SAMD3: variants seen among roughly 807,000 people sequenced by gnomAD.
The protein encoded by SAMD3 is sterile alpha motif domain-containing protein 3.
Under a neutral mutation model 58.5 loss-of-function variants are expected in SAMD3, and 63 were observed. The observed-to-expected ratio is 1.08, with a 90% confidence interval of 0.88 to 1.33. The LOEUF (loss-of-function observed/expected upper bound fraction) is 1.33. Among genes scored for constraint, SAMD3 ranks in the 40% most tolerant of loss-of-function variants. The pLI is 0.00. For synonymous variants in SAMD3, 220 were observed against 210.3 expected (o/e 1.05, Z -0.40); for missense variants, 604 against 608.4 (o/e 0.99, Z 0.08).
At chr6:130,273,619 T>C (rs1235486945) in intron 2 of SAMD3, among the ~76,000 whole-genome samples, 1 of 151,848 alleles carries the variant, frequency 6.6e-6, no homozygotes. Context: ...TTTGTAGATA[T>C]AGTCTTTATT....
intron 2 of SAMD3, among the ~76,000 whole-genome samples, chr6:130,271,025 T>C (rs906435566): frequency 1.3e-5 from 2 of 151,496 alleles, no homozygotes; most frequent in Non-Finnish European, 2.9e-5. Context: ...TTCCTTAGGG[T>C]CTCACTCTGT....
At chr6:130,279,065 T>G (rs1159500577) in intron 2 of SAMD3, among the ~76,000 whole-genome samples, 1 of 152,216 alleles carries the variant, frequency 6.6e-6, no homozygotes, top group Non-Finnish European at 1.5e-5. Context: ...CTTGGCAAGT[T>G]ATTTCACCAT....
chr6:130,322,929 C>A (rs1776633603), intron 1 of SAMD3, among the ~76,000 whole-genome samples: 1 of 152,048 alleles, frequency 6.6e-6, no homozygotes, highest in South Asian at 2.1e-4. Context: ...ACTCTCAAGC[C>A]ACTAGTTTGT....
chr6:130,178,512 G>A (rs17058462), intron 7 of SAMD3, among the ~76,000 whole-genome samples: 12,891 of 152,142 alleles, frequency 0.085, 805 homozygotes, highest in African/African-American at 0.17. Flanking sequence ...GGGCCAATGG[G>A]AATGACACCA....
rs571913811 is a variant in SAMD3, at chr6:130,347,115, C to T, written c.-304+18005G>A. Among the ~76,000 whole-genome samples the T allele has an allele frequency of 4.3e-4, 65 of 152,208 alleles. 1 individual carries two copies. Among genetic ancestry groups the T allele is most frequent in the African/African-American group, 1.5e-3 (62 of 41,536 alleles). The stretch of plus-strand genomic sequence containing the variant: ...CATCAAAGACCAAAGGTAGATAAAA[C>T]CACAAAGATGGGGAAAAAACAGAGC... On this transcript the variant is annotated intron_variant, in intron 1 of 13. Coordinates refer to the SAMD3 transcript ENST00000368134.
upstream of SAMD3, among the ~76,000 whole-genome samples, chr6:130,224,322 A>T (rs533667808): frequency 6.6e-6 from 1 of 151,962 alleles, no homozygotes; most frequent in Non-Finnish European, 1.5e-5. Context: ...TTTGGGCGTG[A>T]AAACAGGAGT....
chr6:130,209,707 T>C (rs1795370910), intron 4 of SAMD3, 99 bp from the exon 5 acceptor site: 5 of 700,468 alleles, frequency 7.1e-6, no homozygotes, highest in African/African-American at 7.1e-5. Context: ...GTAAACATCA[T>C]GGTCTGTGTC....
At chr6:130,243,641 C>T (rs1010987632) in intron 2 of SAMD3, among the ~76,000 whole-genome samples, 2 of 152,104 alleles carry the variant, frequency 1.3e-5, no homozygotes, top group Non-Finnish European at 2.9e-5. Flanking sequence ...GAGTTCTTAT[C>T]GAATTCTAGG....
rs543267498 is a variant in SAMD3, at chr6:130,216,462, TG to T, written c.-22+108del. 8.5e-5 allele frequency: 13 copies of T among 152,314 alleles called. No individual in the cohort carries two copies. The South Asian group carries it at 2.7e-3, about 32-fold the overall frequency. 9.4% of individuals were successfully genotyped at this position (152,314 alleles called of 1,614,324 possible). On this transcript the variant is annotated intron_variant, in intron 2 of 11. Transcript: ENST00000439090. ...CAGTCGTGAATTTAAATTTTATTGA[TG>T]GAAGTTTTAAATGGAACTATTGTTG...
At chr6:130,316,548 G>A (rs1776378932) in intron 1 of SAMD3, among the ~76,000 whole-genome samples, 1 of 152,060 alleles carries the variant, frequency 6.6e-6, no homozygotes, top group Admixed American at 6.6e-5. Flanking sequence ...TATGATAAGA[G>A]CTTTAATTTA....
chr6:130,298,084 A>C (rs549318961), intron 2 of SAMD3, among the ~76,000 whole-genome samples: 1 of 152,320 alleles, frequency 6.6e-6, no homozygotes, highest in African/African-American at 2.4e-5. Flanking sequence ...CAGTCATCAG[A>C]CTATCCAAGG....
At chr6:130,160,133 A>G (rs949699569) in intron 8 of SAMD3, 2 of 152,212 alleles carry the variant, frequency 1.3e-5, no homozygotes, top group African/African-American at 4.8e-5. Context: ...TCCTAAGTAT[A>G]AATCCTTGAA....
intron 1 of SAMD3, among the ~76,000 whole-genome samples, chr6:130,341,665 T>C (rs1777278893): frequency 1.3e-5 from 2 of 152,166 alleles, no homozygotes; most frequent in Admixed American, 6.6e-5. Flanking sequence ...GTGGATGACA[T>C]CCTGGAATTG....
intron 1 of SAMD3, among the ~76,000 whole-genome samples, chr6:130,341,100 T>C (rs968064076): frequency 6.6e-6 from 1 of 152,084 alleles, no homozygotes; most frequent in Admixed American, 6.6e-5. Context: ...TCAGTGTTAC[T>C]GTTTGTGTAT....
chr6:130,351,565 A>T (rs1317277291), intron 1 of SAMD3, among the ~76,000 whole-genome samples: 4 of 152,236 alleles, frequency 2.6e-5, no homozygotes, highest in Non-Finnish European at 5.9e-5. Flanking sequence ...ATCATTAAAA[A>T]GTCAGGAAAC....
At chr6:130,351,478 G>A (rs532489940) in intron 1 of SAMD3, among the ~76,000 whole-genome samples, 1 of 152,170 alleles carries the variant, frequency 6.6e-6, no homozygotes, top group South Asian at 2.1e-4. Flanking sequence ...ACGAAAAAAT[G>A]CTCATCATCA....
chr6:130,208,562 C>A (rs369274382), intron 5 of SAMD3, among the ~76,000 whole-genome samples: 5 of 152,260 alleles, frequency 3.3e-5, no homozygotes, highest in South Asian at 4.1e-4. Context: ...GGAGCACAAA[C>A]CCTACTGTGA....
At chr6:130,297,595 C>T (rs1369890668) in intron 2 of SAMD3, among the ~76,000 whole-genome samples, 2 of 151,996 alleles carry the variant, frequency 1.3e-5, no homozygotes, top group Non-Finnish European at 1.5e-5. Context: ...CAAGGAAACT[C>T]AATGAGATCC....
At chr6:130,292,273 T>TTC (rs1346693370) in intron 2 of SAMD3, among the ~76,000 whole-genome samples, 2 of 145,790 alleles carry the variant, frequency 1.4e-5, no homozygotes, top group African/African-American at 5.0e-5. Context: ...CTTTCTTTCT[T>TTC]TTTTTTTTTT....
Sources: allele counts gnomAD v4.1 joint callset (sites outside exome capture counted in the v4.1 genomes callset), GRCh38; gene constraint gnomAD v4.1.1; transcripts MANE v1.5; gene names NCBI Gene and HGNC (gene_info 2026-07-23, HGNC 2026-07-21).